Variants in HIPK2 observed in about 807,000 individuals in gnomAD.
HIPK2 encodes the protein homeodomain-interacting protein kinase 2.
HIPK2 carries 27 observed loss-of-function variants against 113.7 expected under a neutral mutation model. The ratio of observed to expected loss-of-function variants is 0.24; its 90% CI spans 0.17 to 0.33. The LOEUF is 0.33. Among genes scored for constraint, HIPK2 ranks in the 10% least tolerant of loss-of-function variants. HIPK2 has a pLI of 1.00. For synonymous variants in HIPK2, 631 were observed against 642.2 expected (o/e 0.98, Z 0.26); for missense variants, 1,257 against 1,588.0 (o/e 0.79, Z 3.54).
intron 2 of HIPK2, among the ~76,000 whole-genome samples, chr7:139,661,022 C>G (rs1053155927): frequency 1.7e-5 from 2 of 117,402 alleles, no homozygotes; most frequent in Non-Finnish European, 3.2e-5. Context: ...ATGGATAATA[C>G]TGGTGGTATG....
chr7:139,696,446 A>C (rs1794570042), intron 2 of HIPK2, among the ~76,000 whole-genome samples: 1 of 151,978 alleles, frequency 6.6e-6, no homozygotes, highest in African/African-American at 2.4e-5. Context: ...AGAAAGGCAC[A>C]GTGACACACA....
chr7:139,588,706 A>C (rs1235574635), intron 12 of HIPK2, among the ~76,000 whole-genome samples: 2 of 152,110 alleles, frequency 1.3e-5, no homozygotes, highest in African/African-American at 4.8e-5. Context: ...GGAGGGAAGG[A>C]GAGCTGCCTT....
chr7:139,695,858 A>G (rs1400518675), intron 2 of HIPK2, among the ~76,000 whole-genome samples: 2 of 152,178 alleles, frequency 1.3e-5, no homozygotes, highest in African/African-American at 4.8e-5. Flanking sequence ...TTTCTGTCTA[A>G]TTTTCTGCAC....
intron 2 of HIPK2, among the ~76,000 whole-genome samples, chr7:139,710,757 G>C (rs773884448): frequency 1.3e-5 from 2 of 152,194 alleles, no homozygotes; most frequent in Non-Finnish European, 2.9e-5. Flanking sequence ...CGTTGGAGGA[G>C]GGGCCTGGTG....
intron 6 of HIPK2, among the ~76,000 whole-genome samples, chr7:139,621,925 G>GAAAAAAAA: frequency 1.3e-5 from 1 of 75,586 alleles, no homozygotes. Context: ...CCTGTCTCAG[G>GAAAAAAAA]AAAAAAAAAA....
intron 6 of HIPK2, among the ~76,000 whole-genome samples, chr7:139,623,927 C>T (rs1403257177): frequency 3.3e-5 from 5 of 152,086 alleles, no homozygotes; most frequent in African/African-American, 9.7e-5. Flanking sequence ...TCCCTGCAGA[C>T]GTAGGATGTG....
chr7:139,620,091 T>C (rs1182670256), intron 7 of HIPK2, among the ~76,000 whole-genome samples: 1 of 152,072 alleles, frequency 6.6e-6, no homozygotes, highest in African/African-American at 2.4e-5. Flanking sequence ...CAGGCACATA[T>C]CAGGCATAAA....
intron 1 of HIPK2, among the ~76,000 whole-genome samples, chr7:139,747,730 T>G (rs995164422): frequency 6.6e-6 from 1 of 152,242 alleles, no homozygotes; most frequent in South Asian, 2.1e-4. Context: ...TGGCCTCCAC[T>G]GGATATCCAG....
At chr7:139,700,248 T>TCAA (rs1794670680) in intron 2 of HIPK2, among the ~76,000 whole-genome samples, 1 of 152,074 alleles carries the variant, frequency 6.6e-6, no homozygotes, top group Non-Finnish European at 1.5e-5. Context: ...CTGGGGACCC[T>TCAA]CAACACGCCT....
Position 139,575,134 on chromosome 7 carries a change from G to A in HIPK2, c.3120C>T (p.Leu1040=), listed in dbSNP as rs1798443408. 3.8e-6 allele frequency: 6 copies of A among 1,593,694 alleles called. No individual in the cohort carries two copies. The highest frequency in any genetic ancestry group is 5.1e-6 in the Non-Finnish European group (6 of 1,170,686). ...CGCCAGCTGTGGGGCTTACCTGGCT[G>A]AGATTGAGTGGCTGCTGCTGCTGGA... ...PHFQQQQPLN[L]SQAQQHITTD... Residue 1040 remains leucine, a synonymous_variant, in exon 14 of 15, where the codon CTC becomes CTT. Coordinates refer to ENST00000406875, the MANE Select transcript of HIPK2 (RefSeq NM_022740.5).
chr7:139,677,790 A>G (rs1459287588), intron 2 of HIPK2, among the ~76,000 whole-genome samples: 1 of 152,190 alleles, frequency 6.6e-6, no homozygotes, highest in Non-Finnish European at 1.5e-5. Context: ...TTGAGGAATC[A>G]CCACACTGTC....
chr7:139,742,441 G>A (rs1313768811), intron 1 of HIPK2, among the ~76,000 whole-genome samples: 1 of 152,150 alleles, frequency 6.6e-6, no homozygotes, highest in East Asian at 1.9e-4. Flanking sequence ...AGTGCACACC[G>A]TGGATCTCCA....
At chr7:139,769,043 A>G (rs1308314809) in intron 1 of HIPK2, among the ~76,000 whole-genome samples, 2 of 152,234 alleles carry the variant, frequency 1.3e-5, no homozygotes, top group African/African-American at 4.8e-5. Context: ...TGAGCCTACA[A>G]AAAGAGATTC....
Position 139,565,198 on chromosome 7 carries a change from T to G in HIPK2, c.*7729A>C, listed in dbSNP as rs1043817130. ...TGTGTAAGATAATGTATCTAAAACC[T>G]TCTAAAAAAAAAAAAAATCTTTAGG... On this transcript the variant is annotated 3_prime_UTR_variant, in exon 15 of 15. Transcript: ENST00000406875. The G allele has an allele frequency of 3.3e-5, 5 of 151,110 alleles. No individual in the cohort carries two copies. Among genetic ancestry groups the G allele is most frequent in the Non-Finnish European group, 5.9e-5 (4 of 67,800 alleles). The allele number at this position is 151,110 out of a possible 1,614,324, so 9.4% of individuals were successfully genotyped here. A position where few individuals can be genotyped will look rare whatever the true frequency, so the allele number is the denominator to read the frequency against.
At chr7:139,594,019 T>C (rs1290001696) in intron 12 of HIPK2, among the ~76,000 whole-genome samples, 2 of 152,002 alleles carry the variant, frequency 1.3e-5, no homozygotes, top group Non-Finnish European at 2.9e-5. Flanking sequence ...CAACCCCCTT[T>C]CCATCCTGAA....
At chr7:139,604,474 G>A (rs1799548422) in intron 9 of HIPK2, among the ~76,000 whole-genome samples, 1 of 152,026 alleles carries the variant, frequency 6.6e-6, no homozygotes, top group African/African-American at 2.4e-5. Context: ...GAGGTCAGGA[G>A]ATCCAGACCA....
chr7:139,620,372 C>T (rs1032817664), intron 7 of HIPK2, 29 bp downstream of exon 7: 12 of 1,613,212 alleles, frequency 7.4e-6, no homozygotes, highest in Non-Finnish European at 1.0e-5. Context: ...TGCAGCCCCG[C>T]CTCTCCTTCC....
intron 1 of HIPK2, among the ~76,000 whole-genome samples, chr7:139,728,772 C>T (rs1234745956): frequency 6.6e-6 from 1 of 152,166 alleles, no homozygotes; most frequent in Non-Finnish European, 1.5e-5. Flanking sequence ...TAAATAATTA[C>T]CATATTCCAA....
chr7:139,583,741 A>T lies in HIPK2; in HGVS notation c.2965+76T>A, dbSNP rs1392087172. 3 of 1,554,592 alleles carry T rather than the reference A, an allele frequency of 1.9e-6. No individual in the cohort carries two copies. In the African/African-American group the frequency reaches 4.1e-5, roughly 21 times the overall value. ...TCTATTGTACTAGCTCCCATACAGC[A>T]ACATTTCTAGCAGCAGAAAAGCAGG... On this transcript the variant is annotated intron_variant, in intron 13 of 14. Transcript: ENST00000406875.
Sources: gnomAD v4.1 joint callset for allele counts (sites outside exome capture counted in the v4.1 genomes callset) on GRCh38, gnomAD v4.1.1 for gene constraint, MANE v1.5 for transcripts, NCBI Gene and HGNC (gene_info 2026-07-23, HGNC 2026-07-21) for gene names.